Variants in RBFOX1 observed in about 807,000 individuals in gnomAD.
RBFOX1 encodes RNA binding protein fox-1 homolog 1.
Under a neutral mutation model 57.7 loss-of-function variants are expected in RBFOX1, and 8 were observed. The observed-to-expected ratio is 0.14, with a 90% CI of 0.08 to 0.25. The LOEUF (loss-of-function observed/expected upper bound fraction) is 0.25. Ranked by LOEUF, RBFOX1 falls within the 10% of genes least tolerant of loss-of-function variation. The pLI, the probability that RBFOX1 is intolerant of heterozygous loss-of-function variation, is 1.00. For synonymous variants in RBFOX1, 326 were observed against 222.4 expected (o/e 1.47, Z -4.15); for missense variants, 611 against 548.5 (o/e 1.11, Z -1.14).
chr16:5,819,148 C>T (rs755573164), intron 3 of RBFOX1, among the ~76,000 whole-genome samples: 9 of 152,126 alleles, frequency 5.9e-5, no homozygotes, highest in East Asian at 3.9e-4. Context: ...GTATAGGTCA[C>T]GGTTCTGGAG....
intron 1 of RBFOX1, among the ~76,000 whole-genome samples, chr16:6,256,358 G>A (rs192032700): frequency 6.8e-6 from 1 of 147,642 alleles, no homozygotes; most frequent in Non-Finnish European, 1.5e-5. Context: ...CCAAGAAGGG[G>A]AAGAGGTTGG....
At chr16:5,718,276 C>G (rs1467293338) in intron 3 of RBFOX1, among the ~76,000 whole-genome samples, 1 of 152,200 alleles carries the variant, frequency 6.6e-6, no homozygotes, top group Non-Finnish European at 1.5e-5. Flanking sequence ...CTTGCATGAA[C>G]CCAATGTGCA....
intron 2 of RBFOX1, among the ~76,000 whole-genome samples, chr16:6,433,768 C>T (rs906357075): frequency 1.3e-5 from 2 of 151,970 alleles, no homozygotes; most frequent in South Asian, 4.2e-4. Context: ...CTTCCTCCAC[C>T]CTTCAAAGCA....
At chr16:5,283,509 G>A (rs2151154290) in intron 1 of RBFOX1, among the ~76,000 whole-genome samples, 1 of 152,238 alleles carries the variant, frequency 6.6e-6, no homozygotes, top group Middle Eastern at 3.4e-3. Context: ...ACCCTACAAA[G>A]CCACAGGAGT....
upstream of RBFOX1, among the ~76,000 whole-genome samples, chr16:6,016,623 A>G (rs2094995420): frequency 6.6e-6 from 1 of 152,226 alleles, no homozygotes; most frequent in Non-Finnish European, 1.5e-5. Flanking sequence ...CAGCTTTATG[A>G]AAGGTACCAT....
intron 1 of RBFOX1, among the ~76,000 whole-genome samples, chr16:6,277,432 G>A (rs79861453): frequency 7.9e-6 from 1 of 127,058 alleles, no homozygotes; most frequent in African/African-American, 3.1e-5. Context: ...ACCCCAGAGA[G>A]AGTGACAGAA....
chr16:6,522,154 A>AGTGTGTGTGTGTGTGTGTGTGT (rs35360830), intron 2 of RBFOX1, among the ~76,000 whole-genome samples: 1 of 142,762 alleles, frequency 7.0e-6, no homozygotes. Context: ...GGGGACCCAC[A>AGTGTGTGTGTGTGTGTGTGTGT]GTGTGTGTGT....
chr16:5,907,362 T>C (rs1320854267), intron 4 of RBFOX1, among the ~76,000 whole-genome samples: 1 of 152,168 alleles, frequency 6.6e-6, no homozygotes, highest in African/African-American at 2.4e-5. Context: ...GGGATTAAAC[T>C]AGACAAACAC....
At position 6,352,396 on chromosome 16, in the gene RBFOX1, G is replaced by C. The variant is rs541071777; in HGVS notation, c.-64+35339G>C. On this transcript the variant is annotated intron_variant, in intron 2 of 15. Transcript: ENST00000550418. The stretch of plus-strand genomic sequence containing the variant: ...GCCACCTATAATCAAACAAATTCAG[G>C]ACAAATGACCAAAATTTAGTGTTTA... 1.3e-3 allele frequency among the ~76,000 whole-genome samples: 196 copies of C among 152,170 alleles called. 1 individual carries two copies. The highest frequency in any genetic ancestry group is 2.5e-3 in the Non-Finnish European group (169 of 68,012).
chr16:7,034,040 G>A (rs960961582), intron 3 of RBFOX1, among the ~76,000 whole-genome samples: 4 of 152,146 alleles, frequency 2.6e-5, no homozygotes, highest in Middle Eastern at 3.2e-3. Flanking sequence ...TCTCCATTGC[G>A]GAGATGAGGT....
In RBFOX1 at chr16:6,325,084, G is replaced by C. The variant is rs1325528487; in HGVS notation, c.-64+8027G>C. Among the ~76,000 whole-genome samples the C allele has an allele frequency of 2.6e-5, 4 of 152,176 alleles. 1 individual carries two copies. The highest frequency in any genetic ancestry group is 1.5e-5 in the Non-Finnish European group (1 of 68,028). ...AATTACAGGAAAGGTACCCAGGCAT[G>C]GTGGCTCATGCTTATAAGCCCAGAA... On this transcript the variant is annotated intron_variant, in intron 2 of 15. Transcript: ENST00000550418.
intron 2 of RBFOX1, among the ~76,000 whole-genome samples, chr16:6,430,106 C>G (rs941488888): frequency 4.0e-5 from 6 of 151,080 alleles, no homozygotes; most frequent in African/African-American, 1.5e-4. Flanking sequence ...GAAACTCCAT[C>G]TCAAGAAGAA....
Position 6,467,974 on chromosome 16 carries a change from T to C in RBFOX1, c.-64+150917T>C, listed in dbSNP as rs866810453. On this transcript the variant is annotated intron_variant, in intron 2 of 15. Coordinates refer to ENST00000550418, the MANE Select transcript of RBFOX1 (RefSeq NM_018723.4). ...TCTGCTTTCTTTTTAATGTTTCTAA[T>C]GGTCATCTTAGCACCAGAGCCTCTT... Among the ~76,000 whole-genome samples, 45 of 152,328 alleles carry C rather than the reference T, an allele frequency of 3.0e-4. 1 individual carries two copies. Among genetic ancestry groups the C allele is most frequent in the Middle Eastern group, 3.4e-3 (1 of 294 alleles).
chr16:6,607,168 G>C (rs2097944661), intron 2 of RBFOX1, among the ~76,000 whole-genome samples: 1 of 152,138 alleles, frequency 6.6e-6, no homozygotes, highest in Non-Finnish European at 1.5e-5. Context: ...AGAATTTGTG[G>C]GTGAACAGAT....
intron 4 of RBFOX1, among the ~76,000 whole-genome samples, chr16:7,486,884 A>G (rs924449572): frequency 1.3e-5 from 2 of 152,084 alleles, no homozygotes; most frequent in African/African-American, 2.4e-5. Flanking sequence ...TTCAAACACA[A>G]TTCTCACTTC....
intron 12 of RBFOX1, among the ~76,000 whole-genome samples, chr16:7,659,443 C>G (rs1234631996): frequency 2.0e-5 from 3 of 152,124 alleles, no homozygotes; most frequent in Non-Finnish European, 4.4e-5. Context: ...AGTATAAATA[C>G]TAGGAACAAA....
chr16:7,184,103 A>C (rs879537929), intron 4 of RBFOX1, among the ~76,000 whole-genome samples: 2 of 152,200 alleles, frequency 1.3e-5, no homozygotes, highest in African/African-American at 2.4e-5. Context: ...GGCAGCACAA[A>C]GATGTGTGTA....
At position 6,346,308 on chromosome 16, in the gene RBFOX1, T is replaced by C. The variant is rs116575144; in HGVS notation, c.-64+29251T>C. Among the ~76,000 whole-genome samples the C allele has an allele frequency of 7.5e-3, 1,135 of 152,326 alleles. 4 individuals carry two copies. The highest frequency in any genetic ancestry group is 0.01 in the Non-Finnish European group (714 of 68,026). On this transcript the variant is annotated intron_variant, in intron 2 of 15. Coordinates refer to ENST00000550418, the MANE Select transcript of RBFOX1 (RefSeq NM_018723.4). ...TAGATAGTGTTGTTAAATTTAACTA[T>C]ATTTGGCCTGAGGATGCCTCTGTGA... is the stretch of plus-strand genomic sequence containing the variant.
At chr16:5,422,898 G>T (rs1381752463) in intron 1 of RBFOX1, among the ~76,000 whole-genome samples, 2 of 122,244 alleles carry the variant, frequency 1.6e-5, no homozygotes, top group Non-Finnish European at 3.5e-5. Flanking sequence ...GAGGAGGAAG[G>T]AGGGGAGGAA....
Sources: allele counts gnomAD v4.1 joint callset (sites outside exome capture counted in the v4.1 genomes callset), GRCh38; gene constraint gnomAD v4.1.1; transcripts MANE v1.5; gene names NCBI Gene and HGNC (gene_info 2026-07-23, HGNC 2026-07-21).